The following OFD1 variants were observed in gnomAD, a reference collection of about 807,000 sequenced individuals.
OFD1 encodes the protein OFD1 centriole and centriolar satellite protein, also known as centriole and centriolar satellite protein OFD1.
In OFD1, 12 loss-of-function variants were observed where a neutral mutation model predicts 81.4. The observed-to-expected ratio is 0.15, with a 90% CI of 0.09 to 0.24. OFD1 has a LOEUF of 0.24. OFD1 is among the 10% of genes least tolerant of loss of function. The pLI is 1.00. For synonymous variants in OFD1, 256 were observed against 263.7 expected, an observed-to-expected ratio of 0.97 and a Z score of 0.28; for missense variants, 685 against 733.9, an observed-to-expected ratio of 0.93 and a Z score of 0.77.
At chrX:13,722,148 C>T in the OFD1 span, 1 of 91,596 alleles carries the variant, frequency 1.1e-5, no homozygotes, top group East Asian at 3.5e-4. Flanking sequence ...GACTAGATTT[C>T]AGAGCTGGAG....
chrX:13,772,935 C>T, downstream of OFD1: 1 of 1,209,428 alleles, frequency 8.3e-7, no homozygotes, highest in Non-Finnish European at 1.1e-6. Flanking sequence ...CTTGCAGTTC[C>T]TGTTCTTCCT....
At chrX:13,772,239 A>G (rs1367037631), downstream of OFD1, 4 of 112,320 alleles carry the variant, frequency 3.6e-5, no homozygotes, top group East Asian at 1.1e-3. Flanking sequence ...AGATTCTTTA[A>G]TAGTAGGGTC....
chrX:13,768,739 G>A lies in OFD1; in HGVS notation c.2950G>A (p.Glu984Lys). 1 of 1,210,956 alleles carries A rather than the reference G, an allele frequency of 8.3e-7. No individual in the cohort carries two copies. The highest frequency in any genetic ancestry group is 1.1e-6 in the Non-Finnish European group (1 of 894,725). ...ADKSSKKMVQ[E>K]GSLVDTLQSS... ...TCAGAGCTCAAAAAAGATGGTCCAA[G>A]AAGGCTCCCTAGTGGACACGCTGCA... The change falls in exon 22 of 23, where the codon GAA (glutamate) becomes AAA (lysine). Residue 984 changes from glutamate to lysine, a missense_variant. Glu to Lys is a moderately conservative substitution (Grantham distance 56). Transcript: ENST00000340096.
rs2048223347 is a variant in OFD1 at position 13,768,654 on chromosome X, A to AAG, written c.2929-63_2929-62insGA. 5 of 861,289 alleles carry AAG rather than the reference A, an allele frequency of 5.8e-6. No homozygotes were observed. In the South Asian group the frequency reaches 1.0e-4, roughly 18 times the overall value. The allele number at this position is 861,289 out of a possible 1,213,427, so 71.0% of individuals were successfully genotyped here. A position where few individuals can be genotyped will look rare whatever the true frequency, so the allele number is the denominator to read the frequency against. On this transcript the variant is annotated intron_variant, in intron 21 of 22. Transcript: ENST00000340096. ...CATATATATTTCAAAAATGGTTCTTAAAGTATTTCATGAAATTAATGCATA... is the reference window on the plus strand; with the variant it reads ...CATATATATTTCAAAAATGGTTCTTAAGAAGTATTTCATGAAATTAATGCATA...
downstream of OFD1, among the ~76,000 whole-genome samples, chrX:13,770,619 T>C (rs1322733665): frequency 3.6e-5 from 4 of 112,478 alleles, no homozygotes; most frequent in African/African-American, 1.3e-4. Context: ...ATGCCCTTAT[T>C]TTGTTTCTGC....
chrX:13,718,623 AAAT>A, the OFD1 span, among the ~76,000 whole-genome samples: 3 of 112,581 alleles, frequency 2.7e-5, no homozygotes, highest in Middle Eastern at 4.6e-3. Flanking sequence ...TAATATGAGA[AAAT>A]AATGTCACAA....
intron 21 of OFD1, among the ~76,000 whole-genome samples, chrX:13,768,514 T>G (rs2048217030): frequency 8.9e-6 from 1 of 112,457 alleles, no homozygotes; most frequent in East Asian, 2.8e-4. Flanking sequence ...CTGACATTAA[T>G]ATTTTATGTA....
intron 13 of OFD1, 85 bp from the exon 14 acceptor site, chrX:13,757,575 C>A: frequency 3.0e-6 from 3 of 1,009,583 alleles, no homozygotes; most frequent in Non-Finnish European, 4.1e-6. Flanking sequence ...CACTTTAAAA[C>A]CCCTTTAACT....
At chrX:13,772,141 A>G (rs1035299904), downstream of OFD1, 2 of 112,804 alleles carry the variant, frequency 1.8e-5, no homozygotes, top group Non-Finnish European at 3.8e-5. Context: ...ACATTTCTCA[A>G]GAATAATGAA....
intron 17 of OFD1, 42 bp downstream of exon 17, chrX:13,761,253 G>A (rs771328563): frequency 1.7e-6 from 2 of 1,183,271 alleles, no homozygotes; most frequent in African/African-American, 1.8e-5. Flanking sequence ...GCTGAATAAT[G>A]TTACTTGCTC....
the OFD1 span, among the ~76,000 whole-genome samples, chrX:13,719,598 G>A: frequency 8.9e-6 from 1 of 112,016 alleles, no homozygotes; most frequent in African/African-American, 3.3e-5. Context: ...GGTGAACTAT[G>A]TCTTTATGTG....
Position 13,760,660 on chromosome X carries a change from C to G in OFD1, c.2200C>G (p.Leu734Val). Residue 734 changes from leucine (L) to valine (V), a missense_variant, in exon 16 of 23, where the codon CTC becomes GTC. By Grantham distance (32) the Leu-to-Val change is conservative. Around this residue, in one of 3 missense-constraint regions of OFD1, gnomAD observed 259 missense variants for 254.4 expected, o/e 1.02. Transcript: ENST00000340096. ...RLRGGTSSRR[L>V]SSTPLPKAKR... Reference sequence around the variant, plus strand: ...CCGCGGGGGCACTTCCTCCAGACGCCTCTCTTCCACACCCCTTCCAAAAGC... The same window carrying G: ...CCGCGGGGGCACTTCCTCCAGACGCGTCTCTTCCACACCCCTTCCAAAAGC... 8.3e-7 allele frequency: 1 copy of G among 1,211,547 alleles called. No individual in the cohort carries two copies. The highest frequency in any genetic ancestry group is 1.7e-5 in the African/African-American group (1 of 57,765).
At position 13,738,985 on chromosome X, in the gene OFD1, A is replaced by C. The variant is rs763122286; in HGVS notation, c.382-17A>C. 4.2e-6 allele frequency: 5 copies of C among 1,199,258 alleles called. No homozygotes were observed. Among genetic ancestry groups the C allele is most frequent in the South Asian group, 1.8e-5 (1 of 56,658 alleles). On this transcript the variant is annotated splice_polypyrimidine_tract_variant and intron_variant, in intron 4 of 22. Coordinates refer to ENST00000340096, the MANE Select transcript of OFD1 (RefSeq NM_003611.3). Reference sequence around the variant, plus strand: ...AACTGAATAGCTGAATAAAAGTGAAATATTTTCTTTTAACAGGTTTCAGGA... The same window carrying C: ...AACTGAATAGCTGAATAAAAGTGAACTATTTTCTTTTAACAGGTTTCAGGA...
chrX:13,726,901 G>C, the OFD1 span, among the ~76,000 whole-genome samples: 1 of 111,855 alleles, frequency 8.9e-6, no homozygotes, highest in African/African-American at 3.3e-5. Context: ...AAAATAAAGG[G>C]ATGGAGGAAG....
intron 5 of OFD1, among the ~76,000 whole-genome samples, chrX:13,742,107 G>A (rs1350977725): frequency 8.9e-6 from 1 of 112,144 alleles, no homozygotes; most frequent in Non-Finnish European, 1.9e-5. Flanking sequence ...ATTCTTATCT[G>A]CAATTGGCAA....
At chrX:13,727,600 G>T in the OFD1 span, among the ~76,000 whole-genome samples, 1 of 112,295 alleles carries the variant, frequency 8.9e-6, no homozygotes, top group African/African-American at 3.2e-5. Context: ...ATTTAAAGCA[G>T]TGTGTAGAGG....
upstream of OFD1, chrX:13,734,251 G>T (rs1444065062): frequency 5.2e-6 from 2 of 387,890 alleles, no homozygotes; most frequent in Non-Finnish European, 9.0e-6. Flanking sequence ...CCAAAACAAA[G>T]AATCTTCCGG....
chrX:13,755,021 C>G, intron 11 of OFD1, 130 bp from the exon 12 acceptor site: 1 of 519,874 alleles, frequency 1.9e-6, no homozygotes, highest in Non-Finnish European at 3.4e-6. Flanking sequence ...TTCTTACTTG[C>G]CCGCTACATC....
intron 15 of OFD1, among the ~76,000 whole-genome samples, chrX:13,759,874 C>G (rs2047859113): frequency 8.9e-6 from 1 of 111,889 alleles, no homozygotes; most frequent in African/African-American, 3.3e-5. Flanking sequence ...TTGTGGCTTT[C>G]AAAATTGTGC....
Sources: gnomAD v4.1 joint callset for allele counts (sites outside exome capture counted in the v4.1 genomes callset) on GRCh38, gnomAD v4.1.1 for gene constraint, gnomAD v4.1.1 regional missense constraint, MANE v1.5 for transcripts, NCBI Gene and HGNC (gene_info 2026-07-23, HGNC 2026-07-21) for gene names.